KCNIP4: variants seen among roughly 807,000 people sequenced by gnomAD.
The protein encoded by KCNIP4 is Kv channel-interacting protein 4.
In KCNIP4, 12 loss-of-function variants were observed where a neutral mutation model predicts 34.0. The observed-to-expected ratio is 0.35, with a 90% CI of 0.23 to 0.57. The LOEUF (loss-of-function observed/expected upper bound fraction) is 0.57, where lower values mean the gene tolerates loss of function less well. Ranked by LOEUF, KCNIP4 falls within the 20% of genes least tolerant of loss-of-function variation. The pLI is 0.83. For synonymous variants in KCNIP4, 124 were observed against 102.2 expected, an observed-to-expected ratio of 1.21 and a Z score of -1.29; for missense variants, 238 against 311.7, an observed-to-expected ratio of 0.76 and a Z score of 1.78.
intron 1 of KCNIP4, among the ~76,000 whole-genome samples, chr4:21,740,500 A>G (rs1259067451): frequency 6.6e-6 from 1 of 152,082 alleles, no homozygotes; most frequent in Non-Finnish European, 1.5e-5. Flanking sequence ...TAGAATATTC[A>G]GTGGTAAGCA....
At position 21,862,971 on chromosome 4, in the gene KCNIP4, A is replaced by AAG. The variant is rs537009836; in HGVS notation, c.61+85599_61+85600insCT. Among the ~76,000 whole-genome samples, 27 of 151,910 alleles carry AAG rather than the reference A, an allele frequency of 1.8e-4. 2 individuals carry two copies. The South Asian group carries it at 4.8e-3, about 27-fold the overall frequency. On this transcript the variant is annotated intron_variant, in intron 1 of 8. Coordinates refer to ENST00000382152, the MANE Select transcript of KCNIP4 (RefSeq NM_025221.6). Reference sequence around the variant, plus strand: ...GTGAGACTCCGTCTCAAAAAAAGAAAAAAAAAGAATTAAGGTAGAATTCTC... The same window carrying AAG: ...GTGAGACTCCGTCTCAAAAAAAGAAAAGAAAAAAGAATTAAGGTAGAATTCTC...
chr4:21,760,588 G>C (rs1717981569), intron 1 of KCNIP4, among the ~76,000 whole-genome samples: 1 of 152,060 alleles, frequency 6.6e-6, no homozygotes, highest in Non-Finnish European at 1.5e-5. Context: ...CCCAGGGCCT[G>C]ACTTCTAGGC....
chr4:21,007,598 C>T (rs1738687414), intron 1 of KCNIP4, among the ~76,000 whole-genome samples: 1 of 152,108 alleles, frequency 6.6e-6, no homozygotes, highest in South Asian at 2.1e-4. Context: ...CATCTTTTTA[C>T]TTTAGAGAAA....
intron 1 of KCNIP4, among the ~76,000 whole-genome samples, chr4:21,473,455 G>GA (rs1400440009): frequency 6.6e-6 from 1 of 151,982 alleles, no homozygotes; most frequent in Non-Finnish European, 1.5e-5. Context: ...ACAAAATACA[G>GA]AAAATGAAAT....
At chr4:21,194,887 T>A (rs143202033) in intron 1 of KCNIP4, among the ~76,000 whole-genome samples, 43 of 152,334 alleles carry the variant, frequency 2.8e-4, no homozygotes, top group Middle Eastern at 3.4e-3. Flanking sequence ...GGTTTATTTG[T>A]TAGAGCAGCC....
chr4:21,095,219 T>C (rs112106780), intron 1 of KCNIP4, among the ~76,000 whole-genome samples: 1,677 of 152,232 alleles, frequency 0.011, 31 homozygotes, highest in African/African-American at 0.038. Context: ...GTTTAGAGAG[T>C]AAAGTGATAC....
At chr4:21,487,132 T>C (rs1005584872) in intron 1 of KCNIP4, among the ~76,000 whole-genome samples, 30 of 152,246 alleles carry the variant, frequency 2.0e-4, no homozygotes, top group African/African-American at 7.2e-4. Flanking sequence ...TAACTTTTTC[T>C]CTTAATCCCT....
chr4:21,169,284 C>G (rs900328064), intron 1 of KCNIP4, among the ~76,000 whole-genome samples: 2 of 152,012 alleles, frequency 1.3e-5, no homozygotes, highest in Non-Finnish European at 2.9e-5. Context: ...TCCTAAGTAG[C>G]GAGGACTGTA....
intron 1 of KCNIP4, among the ~76,000 whole-genome samples, chr4:21,110,465 C>T (rs187617407): frequency 3.3e-5 from 5 of 152,302 alleles, no homozygotes; most frequent in East Asian, 1.9e-4. Context: ...TGGGAGTCAT[C>T]GTGTCAAACT....
intron 1 of KCNIP4, among the ~76,000 whole-genome samples, chr4:21,919,201 C>T (rs1728810501): frequency 6.6e-6 from 1 of 152,126 alleles, no homozygotes; most frequent in Admixed American, 6.6e-5. Context: ...AGCGTGTTCC[C>T]TTCCTGTCTT....
intron 1 of KCNIP4, among the ~76,000 whole-genome samples, chr4:21,328,016 T>G (rs1715265021): frequency 6.6e-6 from 1 of 152,172 alleles, no homozygotes; most frequent in Admixed American, 6.5e-5. Flanking sequence ...AATTGTCATC[T>G]GAAAAGACAC....
At position 20,906,984 on chromosome 4, in the gene KCNIP4, T is replaced by C. The variant is rs577421093; in HGVS notation, c.62-24275A>G. 2.3e-3 allele frequency among the ~76,000 whole-genome samples: 357 copies of C among 152,344 alleles called. 11 individuals are homozygous for C. The highest frequency in any genetic ancestry group is 2.7e-3 in the Non-Finnish European group (182 of 68,032). ...TCCATGAGAACACATTGTTCTGATG[T>C]GTTTATTGTTGAATCTTCAGCATAT... On this transcript the variant is annotated intron_variant, in intron 1 of 8. Transcript: ENST00000382152.
chr4:20,904,069 T>C (rs1425688943), intron 1 of KCNIP4, among the ~76,000 whole-genome samples: 6 of 152,116 alleles, frequency 3.9e-5, no homozygotes, highest in African/African-American at 1.2e-4. Context: ...TCCTCTCAGT[T>C]AGAATTCCAT....
intron 1 of KCNIP4, among the ~76,000 whole-genome samples, chr4:20,967,335 G>A (rs935977389): frequency 3.5e-4 from 54 of 152,214 alleles, no homozygotes; most frequent in Non-Finnish European, 6.6e-4. Context: ...AATCAATATC[G>A]TGAAAATGGC....
intron 1 of KCNIP4, among the ~76,000 whole-genome samples, chr4:21,060,203 G>T (rs1743791518): frequency 2.0e-5 from 3 of 152,102 alleles, no homozygotes; most frequent in Non-Finnish European, 4.4e-5. Flanking sequence ...ATTCCCAGAG[G>T]CTTTGAATAA....
At chr4:21,199,343 A>G (rs958030207) in intron 1 of KCNIP4, among the ~76,000 whole-genome samples, 3 of 152,052 alleles carry the variant, frequency 2.0e-5, no homozygotes, top group African/African-American at 7.2e-5. Flanking sequence ...GCATTTTTTC[A>G]TGTGTCTGTT....
intron 1 of KCNIP4, among the ~76,000 whole-genome samples, chr4:20,927,147 T>G (rs1729986624): frequency 6.6e-6 from 1 of 152,022 alleles, no homozygotes; most frequent in African/African-American, 2.4e-5. Flanking sequence ...CCTGGCTAAT[T>G]TTTGTATTTT....
At chr4:20,901,140 T>G (rs1727112516) in intron 1 of KCNIP4, among the ~76,000 whole-genome samples, 1 of 152,224 alleles carries the variant, frequency 6.6e-6, no homozygotes, top group Non-Finnish European at 1.5e-5. Flanking sequence ...TTTTGTTTTC[T>G]TTGTGAGTGC....
At chr4:21,843,863 T>C (rs1372610430) in intron 1 of KCNIP4, 3 of 152,252 alleles carry the variant, frequency 2.0e-5, no homozygotes, top group East Asian at 1.9e-4. Context: ...TTTATTACTT[T>C]CATGAACATG....
Sources: allele counts gnomAD v4.1 joint callset (sites outside exome capture counted in the v4.1 genomes callset), GRCh38; gene constraint gnomAD v4.1.1; transcripts MANE v1.5; gene names NCBI Gene and HGNC (gene_info 2026-07-23, HGNC 2026-07-21).